Variants in SIPA1L3 observed in about 807,000 individuals in gnomAD.
SIPA1L3 encodes the protein signal induced proliferation associated 1 like 3.
In SIPA1L3, 59 loss-of-function variants were observed where a neutral mutation model predicts 150.1. The ratio of observed to expected loss-of-function variants is 0.39; its 90% confidence interval spans 0.32 to 0.49. SIPA1L3 has a LOEUF of 0.49. SIPA1L3 is among the 20% of genes least tolerant of loss of function. SIPA1L3 has a pLI of 0.86. For missense variants in SIPA1L3, 2,211 were observed against 2,489.5 expected, an observed-to-expected ratio of 0.89 and a Z score of 2.38; for synonymous variants, 1,070 against 1,077.6, an observed-to-expected ratio of 0.99 and a Z score of 0.14.
chr19:38,054,006 T>C (rs951987175), intron 2 of SIPA1L3, among the ~76,000 whole-genome samples: 3 of 152,012 alleles, frequency 2.0e-5, no homozygotes, highest in Admixed American at 6.6e-5. Context: ...AAGGGACCTG[T>C]CCAAGGTCAC....
intron 1 of SIPA1L3, among the ~76,000 whole-genome samples, chr19:38,018,154 G>GTTT (rs1968281619): frequency 1.1e-5 from 1 of 93,826 alleles, no homozygotes; most frequent in African/African-American, 4.8e-5. Flanking sequence ...CCCTTTGAGT[G>GTTT]TCTTTTTTTT....
intron 1 of SIPA1L3, among the ~76,000 whole-genome samples, chr19:37,913,502 T>C (rs1055163109): frequency 3.3e-5 from 5 of 152,082 alleles, no homozygotes; most frequent in African/African-American, 1.2e-4. Flanking sequence ...TTCAAGCCCA[T>C]CTCCTGCCTC....
chr19:38,172,948 A>T (rs563105921), intron 15 of SIPA1L3, among the ~76,000 whole-genome samples: 1 of 152,194 alleles, frequency 6.6e-6, no homozygotes, highest in South Asian at 2.1e-4. Flanking sequence ...CATGTCTACA[A>T]AAAATTAGCT....
At chr19:37,930,886 GC>G (rs1165331055) in intron 1 of SIPA1L3, among the ~76,000 whole-genome samples, 1 of 135,854 alleles carries the variant, frequency 7.4e-6, no homozygotes, top group Non-Finnish European at 1.5e-5. Context: ...ATATGTATCA[GC>G]TAATCTTTGA....
chr19:38,054,256 T>C (rs946987366), intron 2 of SIPA1L3, among the ~76,000 whole-genome samples: 1 of 152,082 alleles, frequency 6.6e-6, no homozygotes, highest in African/African-American at 2.4e-5. Flanking sequence ...AGTTAGGAAT[T>C]GGTTGGAAGT....
chr19:37,946,134 G>A (rs2046708970), intron 1 of SIPA1L3, among the ~76,000 whole-genome samples: 1 of 150,636 alleles, frequency 6.6e-6, no homozygotes, highest in Admixed American at 6.6e-5. Context: ...CAACCTGGGG[G>A]ACAACAGCGA....
chr19:37,909,620 G>A (rs2046362176), intron 1 of SIPA1L3, among the ~76,000 whole-genome samples: 1 of 152,184 alleles, frequency 6.6e-6, no homozygotes, highest in African/African-American at 2.4e-5. Flanking sequence ...CAGTGGCTGT[G>A]GATGTGGCAT....
chr19:37,907,299 C>A lies in SIPA1L3; in HGVS notation c.-438C>A, dbSNP rs1327983782. On this transcript the variant is annotated 5_prime_UTR_variant, in exon 1 of 22. Transcript: ENST00000222345. ...CGGAGCTGGCGGCGTCTCCAGCGAG[C>A]GGCGCGGAGCTGGACGCCGCGATCG... 1 of 152,446 alleles carries A rather than the reference C, an allele frequency of 6.6e-6. No individual in the cohort carries two copies. The highest frequency in any genetic ancestry group is 2.4e-5 in the African/African-American group (1 of 41,462). 9.4% of individuals were successfully genotyped at this position (152,446 alleles called of 1,614,324 possible).
chr19:38,124,624 T>C (rs1265738381), intron 9 of SIPA1L3, among the ~76,000 whole-genome samples: 5 of 151,142 alleles, frequency 3.3e-5, no homozygotes, highest in African/African-American at 9.8e-5. Flanking sequence ...GGCTGCACTC[T>C]TGGCACTTTG....
chr19:38,155,002 C>T (rs1449024421), intron 13 of SIPA1L3, among the ~76,000 whole-genome samples: 2 of 152,132 alleles, frequency 1.3e-5, no homozygotes, highest in Non-Finnish European at 2.9e-5. Context: ...CTCAAGTGAT[C>T]CACCCGCTTC....
intron 1 of SIPA1L3, among the ~76,000 whole-genome samples, chr19:37,931,484 T>C (rs1432014379): frequency 1.4e-4 from 21 of 152,092 alleles, no homozygotes; most frequent in Admixed American, 1.4e-3. Flanking sequence ...CGGTGGCTCA[T>C]GCCTGTAATC....
chr19:37,952,672 CA>C (rs1173712301), intron 1 of SIPA1L3, among the ~76,000 whole-genome samples: 2 of 151,962 alleles, frequency 1.3e-5, no homozygotes, highest in African/African-American at 4.8e-5. Context: ...GACTCTGTCT[CA>C]AAAATAAAAT....
chr19:38,122,655 C>T (rs760428373), intron 9 of SIPA1L3, among the ~76,000 whole-genome samples: 2 of 152,150 alleles, frequency 1.3e-5, no homozygotes, highest in Non-Finnish European at 2.9e-5. Context: ...CCCATGAGGC[C>T]GGGTGTGAAC....
chr19:37,973,446 G>C (rs1240620737), intron 1 of SIPA1L3, among the ~76,000 whole-genome samples: 2 of 148,418 alleles, frequency 1.3e-5, no homozygotes, highest in South Asian at 2.1e-4. Context: ...TATTGGCCAG[G>C]CTGGTCTCGA....
In SIPA1L3 at chr19:37,918,394, G is replaced by A. The variant is rs540990875; in HGVS notation, c.-379+11036G>A. Among the ~76,000 whole-genome samples the A allele has an allele frequency of 2.3e-4, 35 of 151,862 alleles. No homozygotes were observed. In the South Asian group the frequency reaches 4.2e-3, roughly 18 times the overall value. ...CCTGCCTCAGCCTCCCGATTAGCTG[G>A]GACTACAGGTGCGCGCCACCACACC... On this transcript the variant is annotated intron_variant, in intron 1 of 21. Coordinates refer to ENST00000222345, the MANE Select transcript of SIPA1L3 (RefSeq NM_015073.3).
intron 3 of SIPA1L3, among the ~76,000 whole-genome samples, chr19:38,088,359 C>A (rs146373033): frequency 6.6e-6 from 1 of 152,352 alleles, no homozygotes; most frequent in Non-Finnish European, 1.5e-5. Flanking sequence ...CGGGATTAAT[C>A]GCAGTGATGC....
intron 1 of SIPA1L3, among the ~76,000 whole-genome samples, chr19:37,990,687 A>G (rs1967481884): frequency 6.6e-6 from 1 of 152,096 alleles, no homozygotes; most frequent in African/African-American, 2.4e-5. Context: ...TTTTTCCTTG[A>G]CTTGTAGCTG....
intron 6 of SIPA1L3, among the ~76,000 whole-genome samples, chr19:38,103,424 C>T (rs1339534437): frequency 2.0e-5 from 3 of 151,740 alleles, no homozygotes; most frequent in Admixed American, 6.6e-5. Flanking sequence ...GGCAGGAGTT[C>T]GAGACCAGCC....
chr19:37,925,509 C>G (rs1283607518), intron 1 of SIPA1L3, among the ~76,000 whole-genome samples: 1 of 151,354 alleles, frequency 6.6e-6, no homozygotes, highest in Admixed American at 6.6e-5. Context: ...GAGATATTTG[C>G]AGATCTCTTA....
Sources: allele counts gnomAD v4.1 joint callset (sites outside exome capture counted in the v4.1 genomes callset), GRCh38; gene constraint gnomAD v4.1.1; transcripts MANE v1.5; gene names NCBI Gene and HGNC (gene_info 2026-07-23, HGNC 2026-07-21).